Variants in ZNF236 observed in about 807,000 individuals in gnomAD.
The protein encoded by ZNF236 is regulated by glucose.
Under a neutral mutation model 191.2 loss-of-function variants are expected in ZNF236, and 50 were observed. The observed-to-expected ratio is 0.26, with a 90% CI of 0.21 to 0.33. The LOEUF is 0.33. Ranked by LOEUF, ZNF236 falls within the 10% of genes least tolerant of loss-of-function variation. The pLI, the probability that ZNF236 is intolerant of heterozygous loss-of-function variation, is 1.00. For synonymous variants in ZNF236, 907 were observed against 928.8 expected (o/e 0.98, Z 0.43); for missense variants, 1,754 against 2,374.5 (o/e 0.74, Z 5.43).
intron 1 of ZNF236, among the ~76,000 whole-genome samples, chr18:76,822,974 GC>G (rs1358805828): frequency 6.7e-6 from 1 of 148,720 alleles, no homozygotes; most frequent in African/African-American, 2.4e-5. Context: ...GCCCCCGCTG[GC>G]CCTGCCGCGG....
chr18:76,844,402 G>A (rs1172027457), intron 1 of ZNF236, among the ~76,000 whole-genome samples: 1 of 152,140 alleles, frequency 6.6e-6, no homozygotes, highest in East Asian at 1.9e-4. Context: ...GCCTGGCCAG[G>A]GGGCTGTTGT....
At chr18:76,944,455 T>C (rs1224100087) in intron 26 of ZNF236, among the ~76,000 whole-genome samples, 9 of 152,222 alleles carry the variant, frequency 5.9e-5, no homozygotes, top group Non-Finnish European at 1.0e-4. Flanking sequence ...GTATAGCTTT[T>C]ATTGGACACT....
At chr18:76,855,788 T>C (rs1291169237) in intron 3 of ZNF236, among the ~76,000 whole-genome samples, 1 of 152,088 alleles carries the variant, frequency 6.6e-6, no homozygotes, top group Non-Finnish European at 1.5e-5. Context: ...ATCTTGTGAG[T>C]AGAGGATGCT....
rs116073968 is a variant in ZNF236, at chr18:76,936,486, G to A, written c.4595-670G>A. ...AGATACTTTCGTTTCTCTTAGTATC[G>A]GCTGCAAGGGGAGATATTTCAGTTT... On this transcript the variant is annotated intron_variant, in intron 25 of 30. Coordinates refer to ENST00000320610, the MANE Select transcript of ZNF236 (RefSeq NM_001306089.2). 3.6e-3 allele frequency: 1,582 copies of A among 445,278 alleles called. 20 individuals carry two copies. Among genetic ancestry groups the A allele is most frequent in the African/African-American group, 0.027 (1,351 of 49,564 alleles). The allele number at this position is 445,278 out of a possible 1,614,324, so 27.6% of individuals were successfully genotyped here.
chr18:76,930,749 AC>A (rs1238944206), intron 25 of ZNF236, among the ~76,000 whole-genome samples: 1 of 152,186 alleles, frequency 6.6e-6, no homozygotes, highest in Non-Finnish European at 1.5e-5. Flanking sequence ...CTTTTGCTAT[AC>A]CTGGCAGTGC....
At chr18:76,900,545 A>G (rs1977559831) in intron 11 of ZNF236, among the ~76,000 whole-genome samples, 1 of 152,200 alleles carries the variant, frequency 6.6e-6, no homozygotes, top group African/African-American at 2.4e-5. Context: ...TGTATAGGAT[A>G]CAATCTTTGA....
intron 7 of ZNF236, among the ~76,000 whole-genome samples, chr18:76,879,067 G>T (rs1364758355): frequency 2.0e-5 from 3 of 152,046 alleles, no homozygotes; most frequent in Admixed American, 2.0e-4. Context: ...TTCTATTTTG[G>T]TCTGAATTTT....
chr18:76,915,916 T>C, intron 19 of ZNF236, 57 bp downstream of exon 19: 4 of 1,526,986 alleles, frequency 2.6e-6, no homozygotes, highest in Non-Finnish European at 3.6e-6. Context: ...TAGGAATAAA[T>C]CCATTCACAA....
intron 17 of ZNF236, 25 bp downstream of exon 17, chr18:76,912,372 A>G (rs1052616163): frequency 1.3e-6 from 2 of 1,558,968 alleles, no homozygotes; most frequent in Non-Finnish European, 8.8e-7. Context: ...AGACCAGCTC[A>G]TGGTATTGCC....
Position 76,895,242 on chromosome 18 carries a change from C to G in ZNF236, c.1647C>G (p.Phe549Leu). Residue 549 changes from phenylalanine to leucine, a missense_variant, in exon 10 of 31, where the codon TTC (phenylalanine) becomes TTG (leucine). By Grantham distance (22) the Phe-to-Leu change is conservative. Transcript: ENST00000320610. ...AFKCQYCMKS[F>L]STSGSLKVHI... ...AGTGCCAGTACTGCATGAAGAGCTT[C>G]TCCACCTCTGGCAGCCTCAAGGTGC... is the stretch of plus-strand genomic sequence containing the variant. 1 of 1,600,080 alleles carries G rather than the reference C, an allele frequency of 6.2e-7. No individual in the cohort carries two copies. Among genetic ancestry groups the G allele is most frequent in the Non-Finnish European group, 8.5e-7 (1 of 1,179,926 alleles).
At chr18:76,900,016 G>A (rs1977543917) in intron 11 of ZNF236, among the ~76,000 whole-genome samples, 1 of 152,086 alleles carries the variant, frequency 6.6e-6, no homozygotes. Context: ...GAATTTTGGA[G>A]GACCACAAAC....
At chr18:76,948,557 G>A (rs1409095937) in intron 27 of ZNF236, among the ~76,000 whole-genome samples, 1 of 152,212 alleles carries the variant, frequency 6.6e-6, no homozygotes, top group Non-Finnish European at 1.5e-5. Context: ...ATGGAAGGGT[G>A]CAGGTGAGAA....
At chr18:76,946,566 T>A (rs992980587) in intron 26 of ZNF236, among the ~76,000 whole-genome samples, 1 of 152,222 alleles carries the variant, frequency 6.6e-6, no homozygotes, top group Non-Finnish European at 1.5e-5. Flanking sequence ...TCAGCCACGG[T>A]TTTAACTGTG....
chr18:76,953,282 A>G (rs1056371687), intron 27 of ZNF236, among the ~76,000 whole-genome samples: 4 of 152,166 alleles, frequency 2.6e-5, no homozygotes, highest in African/African-American at 9.7e-5. Context: ...CGCTGCAGCA[A>G]ACTGCCTTTC....
At chr18:76,854,708 T>A (rs1975994639) in intron 3 of ZNF236, among the ~76,000 whole-genome samples, 1 of 152,242 alleles carries the variant, frequency 6.6e-6, no homozygotes, top group Admixed American at 6.5e-5. Context: ...TGCATATGAA[T>A]CTTCTTATGC....
In ZNF236 at chr18:76,910,754, C is replaced by T. The variant is rs1043267292; in HGVS notation, c.2748C>T (p.Ser916=). The change falls in exon 16 of 31, where the codon TCC becomes TCT. Residue 916 remains serine, a synonymous_variant. Transcript: ENST00000320610. ...DSSTLESQAL[S]TSFHQQSLLQ... ...GCACACTTGAGTCTCAGGCCCTCTC[C>T]ACAAGCTTCCACCAGCAGAGCTTGC... The T allele has an allele frequency of 1.2e-6, 2 of 1,614,196 alleles. No homozygotes were observed. Among genetic ancestry groups the T allele is most frequent in the Middle Eastern group, 1.6e-4 (1 of 6,062 alleles).
Position 76,970,328 on chromosome 18 carries a change from G to T in ZNF236, c.*1989G>T, listed in dbSNP as rs1640928692. 6.6e-6 allele frequency: 1 copy of T among 152,574 alleles called. No homozygotes were observed. The highest frequency in any genetic ancestry group is 2.1e-4 in the South Asian group (1 of 4,830). The allele number at this position is 152,574 out of a possible 1,614,324, so 9.5% of individuals were successfully genotyped here. A position where few individuals can be genotyped will look rare whatever the true frequency, so the allele number is the denominator to read the frequency against. On this transcript the variant is annotated 3_prime_UTR_variant, in exon 31 of 31. Transcript: ENST00000320610. ...GTTTGGTGAATTGTATTGGTTAATT[G>T]ACTGTTTAAGGCCTTAACAGGTGAA...
intron 1 of ZNF236, among the ~76,000 whole-genome samples, chr18:76,838,934 G>A (rs184186920): frequency 2.0e-5 from 3 of 152,272 alleles, no homozygotes; most frequent in East Asian, 1.9e-4. Context: ...TTCTAACAAC[G>A]TAGGTTAGTT....
At position 76,959,721 on chromosome 18, in the gene ZNF236, T is replaced by C. The variant is rs779294430; in HGVS notation, c.5147T>C (p.Leu1716Ser). 44 of 1,613,720 alleles carry C rather than the reference T, an allele frequency of 2.7e-5. No homozygotes were observed. Among genetic ancestry groups the C allele is most frequent in the Admixed American group, 8.3e-5 (5 of 59,950 alleles). ...CAGACACACCAGGCCGGCCCCTCTTTGAGCTCCCAGAAGCCAAGAGTGTTT... is the reference window on the plus strand; with the variant it reads ...CAGACACACCAGGCCGGCCCCTCTTCGAGCTCCCAGAAGCCAAGAGTGTTT... ...HMQTHQAGPS[L>S]SSQKPRVFKC... is the part of the protein sequence containing the mutation. The change falls in exon 29 of 31, where the codon TTG becomes TCG. Residue 1716 changes from leucine to serine, a missense_variant. Leu to Ser is a moderately radical substitution (Grantham distance 145, BLOSUM62 -2). This residue lies in a region of ZNF236 where 606 missense variants were observed against 761.5 expected (regional missense o/e 0.80). Transcript: ENST00000320610.
Sources: gnomAD v4.1 joint callset for allele counts (sites outside exome capture counted in the v4.1 genomes callset) on GRCh38, gnomAD v4.1.1 for gene constraint, gnomAD v4.1.1 regional missense constraint, MANE v1.5 for transcripts, NCBI Gene and HGNC (gene_info 2026-07-23, HGNC 2026-07-21) for gene names.